Variants in CDK8 observed in about 807,000 individuals in gnomAD.
The protein encoded by CDK8 is cyclin-dependent kinase 8.
CDK8 carries 29 observed loss-of-function variants against 71.5 expected under a neutral mutation model. That is an observed-to-expected ratio of 0.41 (90% confidence interval 0.30 to 0.55). The LOEUF (loss-of-function observed/expected upper bound fraction) is 0.55. CDK8 is among the 20% of genes least tolerant of loss of function. The probability of loss-of-function intolerance (pLI) is 0.37; values close to 1 mark genes in which losing one functional copy is unlikely to be tolerated. For synonymous variants in CDK8, 161 were observed against 192.1 expected (o/e 0.84, Z 1.34); for missense variants, 288 against 572.6 (o/e 0.50, Z 5.07).
chr13:26,307,822 T>C (rs1013694749), intron 1 of CDK8, among the ~76,000 whole-genome samples: 1 of 152,218 alleles, frequency 6.6e-6, no homozygotes, highest in Admixed American at 6.5e-5. Context: ...CGGTACCTAA[T>C]AATGCTTATT....
intron 4 of CDK8, 142 bp downstream of exon 4, chr13:26,354,022 C>T: frequency 1.5e-6 from 1 of 682,174 alleles, no homozygotes. Flanking sequence ...AAAACATGGC[C>T]TAGTAGTGTT....
intron 12 of CDK8, 40 bp from the exon 13 acceptor site, chr13:26,403,916 G>A (rs1265864215): frequency 1.9e-6 from 3 of 1,603,324 alleles, no homozygotes; most frequent in Admixed American, 3.3e-5. Context: ...GCTTCCCCTA[G>A]AAGCACCTGA....
intron 4 of CDK8, among the ~76,000 whole-genome samples, chr13:26,362,686 A>C (rs1874203220): frequency 6.6e-6 from 1 of 152,138 alleles, no homozygotes; most frequent in Non-Finnish European, 1.5e-5. Context: ...TTCAAATGCC[A>C]GTCTCTTCTG....
chr13:26,380,935 C>T (rs761693545), intron 4 of CDK8, among the ~76,000 whole-genome samples: 9 of 152,152 alleles, frequency 5.9e-5, no homozygotes, highest in Non-Finnish European at 7.4e-5. Context: ...ATCTATATAT[C>T]ATTTTGTGTT....
chr13:26,326,312 C>G (rs1043947848), intron 1 of CDK8, among the ~76,000 whole-genome samples: 2 of 152,038 alleles, frequency 1.3e-5, no homozygotes, highest in African/African-American at 2.4e-5. Flanking sequence ...CAAATTGTAC[C>G]CTGACAATAG....
At chr13:26,355,443 G>A (rs1055888119) in intron 4 of CDK8, among the ~76,000 whole-genome samples, 1 of 151,940 alleles carries the variant, frequency 6.6e-6, no homozygotes, top group Non-Finnish European at 1.5e-5. Flanking sequence ...GTGAAACCCC[G>A]TCTCTACTAA....
chr13:26,297,515 A>T (rs2137911093), intron 1 of CDK8, among the ~76,000 whole-genome samples: 1 of 152,294 alleles, frequency 6.6e-6, no homozygotes, highest in East Asian at 1.9e-4. Flanking sequence ...TCAGATTTCT[A>T]AATGGGATAG....
chr13:26,333,603 G>A (rs1310016644), intron 1 of CDK8, among the ~76,000 whole-genome samples: 2 of 152,092 alleles, frequency 1.3e-5, no homozygotes, highest in Non-Finnish European at 2.9e-5. Flanking sequence ...ATGGTTCATT[G>A]TACACAAACT....
intron 4 of CDK8, among the ~76,000 whole-genome samples, chr13:26,362,660 C>T (rs1874201230): frequency 6.6e-6 from 1 of 152,094 alleles, no homozygotes; most frequent in African/African-American, 2.4e-5. Flanking sequence ...TGGATCTTTC[C>T]ACTTTAGTCT....
chr13:26,343,929 A>G (rs949655519), intron 2 of CDK8, among the ~76,000 whole-genome samples: 1 of 151,914 alleles, frequency 6.6e-6, no homozygotes, highest in Non-Finnish European at 1.5e-5. Flanking sequence ...CAGGGGGCAC[A>G]TGTGTAGGTT....
At chr13:26,385,652 G>T (rs200629040) in intron 6 of CDK8, among the ~76,000 whole-genome samples, 34 of 152,156 alleles carry the variant, frequency 2.2e-4, no homozygotes, top group African/African-American at 7.9e-4. Context: ...TGGGAGGATC[G>T]CTTGAGCCTG....
intron 1 of CDK8, among the ~76,000 whole-genome samples, chr13:26,288,692 A>G (rs1260723070): frequency 3.9e-5 from 6 of 151,940 alleles, no homozygotes; most frequent in African/African-American, 1.5e-4. Flanking sequence ...CAATACTGAA[A>G]CCTACCAACC....
chr13:26,403,273 G>T (rs1876347528), intron 12 of CDK8, among the ~76,000 whole-genome samples: 1 of 152,122 alleles, frequency 6.6e-6, no homozygotes, highest in Admixed American at 6.5e-5. Flanking sequence ...GGTTTAGAAG[G>T]CTGAGGGGAA....
Position 26,353,918 on chromosome 13 carries a change from C to T in CDK8, c.456+38C>T, listed in dbSNP as rs114807597. On this transcript the variant is annotated intron_variant, in intron 4 of 12. Transcript: ENST00000381527. ...GTAATTGGTTTAAACTAGAAAGATG[C>T]ATTACAGTTGGATACTTTTCTAGTC... 1.3e-3 allele frequency: 2,082 copies of T among 1,579,780 alleles called. 19 individuals carry two copies. In the African/African-American group the frequency reaches 0.022, roughly 16 times the overall value.
At chr13:26,273,385 T>A (rs1259870722) in intron 1 of CDK8, among the ~76,000 whole-genome samples, 1 of 152,164 alleles carries the variant, frequency 6.6e-6, no homozygotes, top group East Asian at 1.9e-4. Context: ...ACATCTGGTA[T>A]TATTTTTCAC....
intron 4 of CDK8, among the ~76,000 whole-genome samples, chr13:26,379,259 G>GT (rs1312705092): frequency 1.3e-5 from 2 of 152,218 alleles, no homozygotes; most frequent in Non-Finnish European, 1.5e-5. Flanking sequence ...TAAAGAGAGA[G>GT]TGTTGGGATA....
At chr13:26,261,178 TC>T (rs1871752847) in intron 1 of CDK8, among the ~76,000 whole-genome samples, 2 of 152,232 alleles carry the variant, frequency 1.3e-5, no homozygotes, top group Non-Finnish European at 2.9e-5. Flanking sequence ...TTCTGAATAT[TC>T]TTTAATATAG....
chr13:26,279,630 C>G (rs1456132445), intron 1 of CDK8, among the ~76,000 whole-genome samples: 1 of 151,616 alleles, frequency 6.6e-6, no homozygotes, highest in African/African-American at 2.4e-5. Context: ...CGTAGGGATT[C>G]AATTAAAAAA....
chr13:26,379,898 G>A lies in CDK8; in HGVS notation c.457-2916G>A, dbSNP rs140916342. 4.0e-3 allele frequency among the ~76,000 whole-genome samples: 615 copies of A among 152,300 alleles called. 5 individuals are homozygous for A. Among genetic ancestry groups the A allele is most frequent in the African/African-American group, 0.014 (563 of 41,560 alleles). On this transcript the variant is annotated intron_variant, in intron 4 of 12. Coordinates refer to ENST00000381527, the MANE Select transcript of CDK8 (RefSeq NM_001260.3). Reference sequence around the variant, plus strand: ...GAATTGTTTAATTGAGAAAATGTTTGTGTATTACTTCTGTCATTAAGGGAG... The same window carrying A: ...GAATTGTTTAATTGAGAAAATGTTTATGTATTACTTCTGTCATTAAGGGAG...
Sources: gnomAD v4.1 joint callset for allele counts (sites outside exome capture counted in the v4.1 genomes callset) on GRCh38, gnomAD v4.1.1 for gene constraint, MANE v1.5 for transcripts, NCBI Gene and HGNC (gene_info 2026-07-23, HGNC 2026-07-21) for gene names.